ANXA5: variants seen among roughly 807,000 people sequenced by gnomAD.
ANXA5 encodes CBP-I.
Under a neutral mutation model 48.1 loss-of-function variants are expected in ANXA5, and 40 were observed. The observed-to-expected ratio is 0.83, with a 90% CI of 0.65 to 1.08. ANXA5 has a LOEUF of 1.08. Ranked by LOEUF, ANXA5 falls within the 50% of genes least tolerant of loss-of-function variation. The probability of loss-of-function intolerance (pLI) is 0.00; values close to 1 mark genes in which losing one functional copy is unlikely to be tolerated. For synonymous variants in ANXA5, 113 were observed against 129.1 expected, an observed-to-expected ratio of 0.88 and a Z score of 0.85; for missense variants, 357 against 376.8, an observed-to-expected ratio of 0.95 and a Z score of 0.44.
intron 7 of ANXA5, 26 bp from the exon 8 acceptor site, chr4:121,677,976 C>T (rs745722890): frequency 6.3e-7 from 1 of 1,595,982 alleles, no homozygotes; most frequent in Non-Finnish European, 8.6e-7. Flanking sequence ...TGTCACATTA[C>T]TGAACTATAG....
chr4:121,672,637 T>G lies in ANXA5; in HGVS notation c.532-11A>C. On this transcript the variant is annotated splice_polypyrimidine_tract_variant and intron_variant, in intron 8 of 12. Coordinates refer to ENST00000296511, the MANE Select transcript of ANXA5 (RefSeq NM_001154.4). ...AGCCTGAAATAAAGCCTGCAAAAAT[T>G]TCAAACTCAATTAATAAATTGTTCC... is the stretch of plus-strand genomic sequence containing the variant. 6.2e-7 allele frequency: 1 copy of G among 1,604,184 alleles called. No homozygotes were observed. The highest frequency in any genetic ancestry group is 1.7e-5 in the Admixed American group (1 of 59,848).
At chr4:121,685,471 T>C (rs1180101285) in intron 3 of ANXA5, among the ~76,000 whole-genome samples, 1 of 152,044 alleles carries the variant, frequency 6.6e-6, no homozygotes, top group South Asian at 2.1e-4. Flanking sequence ...GCGTTTAGAA[T>C]GAGAGAAAAG....
Position 121,672,546 on chromosome 4 carries a change from A to G in ANXA5, c.612T>C (p.Ser204=). ...FITIFGTRSV[S]HLRKVFDKYM... ...TTTTTCACTCACCCTTTCTCAAATG[A>G]GACACACTTCGTGTTCCAAAGATGG... Residue 204 remains serine (S), a synonymous_variant, in exon 9 of 13, where the codon TCT becomes TCC. Coordinates refer to ENST00000296511, the MANE Select transcript of ANXA5 (RefSeq NM_001154.4). 6.2e-7 allele frequency: 1 copy of G among 1,613,526 alleles called. No individual in the cohort carries two copies. Among genetic ancestry groups the G allele is most frequent in the Admixed American group, 1.7e-5 (1 of 60,004 alleles).
intron 2 of ANXA5, among the ~76,000 whole-genome samples, chr4:121,692,775 G>T (rs1725008154): frequency 6.6e-6 from 1 of 152,114 alleles, no homozygotes; most frequent in African/African-American, 2.4e-5. Context: ...GTGTTATGAG[G>T]ACTAAATAAT....
intron 6 of ANXA5, 59 bp from the exon 7 acceptor site, chr4:121,678,553 G>A (rs924876606): frequency 2.2e-6 from 3 of 1,353,770 alleles, no homozygotes; most frequent in Non-Finnish European, 2.1e-6. Flanking sequence ...AAGTAATCTT[G>A]CCCCATTAAT....
At chr4:121,685,622 G>A (rs1380631502) in intron 3 of ANXA5, among the ~76,000 whole-genome samples, 1 of 152,170 alleles carries the variant, frequency 6.6e-6, no homozygotes, top group Non-Finnish European at 1.5e-5. Context: ...GGGCCAGAAA[G>A]CACATGAACA....
intron 2 of ANXA5, 21 bp from the exon 3 acceptor site, chr4:121,686,393 G>C (rs1008712242): frequency 2.5e-6 from 4 of 1,578,288 alleles, no homozygotes; most frequent in Non-Finnish European, 3.5e-6. Flanking sequence ...AAACACAGTG[G>C]TATTATTCAT....
At chr4:121,672,483 C>T (rs377645865) in intron 9 of ANXA5, 50 bp downstream of exon 9, 1 of 1,361,676 alleles carries the variant, frequency 7.3e-7, no homozygotes, top group Non-Finnish European at 1.0e-6. Flanking sequence ...GGCTCATGCA[C>T]TTTCCAAATT....
intron 2 of ANXA5, among the ~76,000 whole-genome samples, chr4:121,694,616 C>A (rs897217900): frequency 1.3e-5 from 2 of 152,146 alleles, no homozygotes; most frequent in Non-Finnish European, 2.9e-5. Flanking sequence ...AACTCCTGAC[C>A]TCGTGATCCA....
intron 2 of ANXA5, among the ~76,000 whole-genome samples, chr4:121,694,477 C>T (rs1343273400): frequency 2.6e-5 from 4 of 152,030 alleles, no homozygotes; most frequent in African/African-American, 9.7e-5. Context: ...CTCCGCCTCC[C>T]GGGTTCAAGT....
chr4:121,680,290 C>T (rs760075150), intron 6 of ANXA5, among the ~76,000 whole-genome samples: 3 of 151,578 alleles, frequency 2.0e-5, no homozygotes, highest in South Asian at 2.1e-4. Flanking sequence ...TGTGTGTGTA[C>T]GTATTCTTTA....
intron 2 of ANXA5, 37 bp downstream of exon 2, chr4:121,696,543 TG>T (rs2110495101): frequency 7.4e-7 from 1 of 1,359,828 alleles, no homozygotes; most frequent in Non-Finnish European, 9.6e-7. Flanking sequence ...TACAAAGTTG[TG>T]GGTAAATCCA....
At chr4:121,670,851 T>C (rs774788953) in intron 10 of ANXA5, among the ~76,000 whole-genome samples, 11 of 152,166 alleles carry the variant, frequency 7.2e-5, no homozygotes, top group East Asian at 1.9e-4. Flanking sequence ...TGCAGATCTT[T>C]AGCTTAGTCT....
intron 2 of ANXA5, 136 bp from the exon 3 acceptor site, chr4:121,686,508 C>G: frequency 1.5e-6 from 1 of 683,924 alleles, no homozygotes. Flanking sequence ...TTTGTGACCC[C>G]TTTTGAACTG....
At chr4:121,690,937 C>T (rs529371981) in intron 2 of ANXA5, among the ~76,000 whole-genome samples, 1 of 152,290 alleles carries the variant, frequency 6.6e-6, no homozygotes, top group Admixed American at 6.5e-5. Context: ...GTAAGAAGGG[C>T]AGAACCCTTG....
chr4:121,669,375 T>C, intron 12 of ANXA5: 1 of 509,594 alleles, frequency 2.0e-6, no homozygotes, highest in Non-Finnish European at 3.4e-6. Context: ...AAATAATGCT[T>C]CTGAGTTCAC....
chr4:121,668,559 G>T, intron 12 of ANXA5, 32 bp from the exon 13 acceptor site: 1 of 1,593,916 alleles, frequency 6.3e-7, no homozygotes. Flanking sequence ...TAACCTCCAT[G>T]ACTCACAGAA....
At chr4:121,695,773 G>A (rs752217076) in intron 2 of ANXA5, among the ~76,000 whole-genome samples, 3 of 151,984 alleles carry the variant, frequency 2.0e-5, no homozygotes, top group Non-Finnish European at 2.9e-5. Flanking sequence ...ATGGTGGGGC[G>A]CCTGTAATCC....
At chr4:121,672,369 C>T (rs1724627251) in intron 9 of ANXA5, among the ~76,000 whole-genome samples, 164 bp downstream of exon 9, 1 of 152,180 alleles carries the variant, frequency 6.6e-6, no homozygotes, top group African/African-American at 2.4e-5. Context: ...GCTACAACAG[C>T]AGCAAAAACA....
Sources: gnomAD v4.1 joint callset for allele counts (sites outside exome capture counted in the v4.1 genomes callset) on GRCh38, gnomAD v4.1.1 for gene constraint, MANE v1.5 for transcripts, NCBI Gene and HGNC (gene_info 2026-07-23, HGNC 2026-07-21) for gene names.